The following ARID1B variants were observed in gnomAD, a reference collection of about 807,000 sequenced individuals.
ARID1B encodes the protein AT-rich interaction domain 1B.
In ARID1B, 30 loss-of-function variants were observed where a neutral mutation model predicts 212.3. That is an observed-to-expected ratio of 0.14 (90% CI 0.11 to 0.19). The LOEUF is 0.19. Among genes scored for constraint, ARID1B ranks in the 10% least tolerant of loss-of-function variants. The pLI, the probability that ARID1B is intolerant of heterozygous loss-of-function variation, is 1.00. For synonymous variants in ARID1B, 1,402 were observed against 1,301.7 expected (o/e 1.08, Z -1.66); for missense variants, 2,891 against 3,204.0 (o/e 0.90, Z 2.36).
Position 156,777,785 on chromosome 6 carries a change from C to T in ARID1B, c.105C>T (p.Pro35=), listed in dbSNP as rs1242889110. The T allele has an allele frequency of 7.6e-6, 7 of 919,198 alleles. No homozygotes were observed. The highest frequency in any genetic ancestry group is 3.7e-5 in the African/African-American group (2 of 54,390). 56.9% of individuals were successfully genotyped at this position (919,198 alleles called of 1,614,324 possible). ...RRAPPGPRPA[P]GARDLEAGAR... Reference sequence around the variant, plus strand: ...CGCCCCCCGGGCCGCGGCCGGCGCCCGGAGCCCGGGACCTGGAGGCGGGGG... The same window carrying T: ...CGCCCCCCGGGCCGCGGCCGGCGCCTGGAGCCCGGGACCTGGAGGCGGGGG... The change falls in exon 1 of 20, where the codon CCC becomes CCT. Residue 35 remains proline (P), a synonymous_variant. Coordinates refer to ENST00000636930, the MANE Select transcript of ARID1B (RefSeq NM_001374828.1).
chr6:156,836,734 G>A (rs1398294135), intron 2 of ARID1B, among the ~76,000 whole-genome samples: 1 of 151,618 alleles, frequency 6.6e-6, no homozygotes, highest in Non-Finnish European at 1.5e-5. Context: ...GCACGATCAC[G>A]GCTCACTGCA....
intron 5 of ARID1B, among the ~76,000 whole-genome samples, chr6:157,107,424 A>G (rs915985908): frequency 6.6e-6 from 1 of 152,182 alleles, no homozygotes; most frequent in East Asian, 1.9e-4. Context: ...TCCTTGCACT[A>G]TTTTTACAAG....
intron 7 of ARID1B, among the ~76,000 whole-genome samples, chr6:157,139,356 G>C (rs1467468618): frequency 6.6e-6 from 1 of 152,098 alleles, no homozygotes; most frequent in African/African-American, 2.4e-5. Context: ...CTTTTCCCGA[G>C]GTCCATCGCT....
intron 5 of ARID1B, among the ~76,000 whole-genome samples, chr6:157,097,845 G>A (rs762833956): frequency 2.6e-5 from 4 of 152,066 alleles, no homozygotes; most frequent in African/African-American, 4.8e-5. Context: ...ACTGCTAATC[G>A]GATCCATGCT....
At chr6:157,151,943 C>A (rs1212370701) in intron 8 of ARID1B, 2 of 152,212 alleles carry the variant, frequency 1.3e-5, no homozygotes, top group Non-Finnish European at 1.5e-5. Context: ...AGTCTGTAAA[C>A]ATGGCCCTAA....
rs374554081 is a variant in ARID1B, at chr6:156,796,882, T to TGGGCTCAGTGAGGGGCAGGCCC, written c.1791+17412_1791+17433dup. Among the ~76,000 whole-genome samples, 597 of 151,916 alleles carry TGGGCTCAGTGAGGGGCAGGCCC rather than the reference T, an allele frequency of 3.9e-3. 2 individuals are homozygous for TGGGCTCAGTGAGGGGCAGGCCC. Among genetic ancestry groups the TGGGCTCAGTGAGGGGCAGGCCC allele is most frequent in the African/African-American group, 0.014 (562 of 41,310 alleles). On this transcript the variant is annotated intron_variant, in intron 1 of 19. Transcript: ENST00000636930. Reference sequence around the variant, plus strand: ...CCAGAGCCTGGGGCCTCTGAGTGAGTGGGCTCAGTGAGGGGCAGGCCCAGC... The same window carrying TGGGCTCAGTGAGGGGCAGGCCC: ...CCAGAGCCTGGGGCCTCTGAGTGAGTGGGCTCAGTGAGGGGCAGGCCCGGGCTCAGTGAGGGGCAGGCCCAGC...
intron 4 of ARID1B, among the ~76,000 whole-genome samples, chr6:157,076,425 C>T (rs1784314120): frequency 6.6e-6 from 1 of 151,690 alleles, no homozygotes; most frequent in African/African-American, 2.4e-5. Flanking sequence ...TGGGATCAAG[C>T]AATATTCCTG....
chr6:157,175,933 G>A (rs999981539), intron 11 of ARID1B: 2 of 151,976 alleles, frequency 1.3e-5, no homozygotes, highest in South Asian at 2.1e-4. Flanking sequence ...TCTGTAAGGC[G>A]ATGTATTGAC....
intron 6 of ARID1B, among the ~76,000 whole-genome samples, chr6:157,127,795 A>AAAC (rs1562641063): frequency 6.7e-6 from 1 of 149,536 alleles, no homozygotes; most frequent in African/African-American, 2.5e-5. Flanking sequence ...AAAAAAAAAA[A>AAAC]AAAAAAAAAA....
intron 5 of ARID1B, among the ~76,000 whole-genome samples, chr6:157,092,852 G>A (rs1193500766): frequency 6.6e-6 from 1 of 152,152 alleles, no homozygotes; most frequent in Non-Finnish European, 1.5e-5. Flanking sequence ...TCTCAGCAGT[G>A]ACTCATGTGT....
intron 4 of ARID1B, among the ~76,000 whole-genome samples, chr6:157,002,380 T>G (rs897985372): frequency 2.6e-5 from 4 of 152,248 alleles, no homozygotes; most frequent in African/African-American, 9.6e-5. Context: ...CTTTAACCTG[T>G]GGATTCTAAA....
At chr6:156,981,585 T>A (rs1777607432) in intron 4 of ARID1B, among the ~76,000 whole-genome samples, 1 of 152,220 alleles carries the variant, frequency 6.6e-6, no homozygotes, top group South Asian at 2.1e-4. Flanking sequence ...ATTTACTGGC[T>A]TCCTATTAGA....
chr6:157,112,806 A>G (rs966365709), intron 6 of ARID1B, among the ~76,000 whole-genome samples: 1 of 152,222 alleles, frequency 6.6e-6, no homozygotes, highest in South Asian at 2.1e-4. Context: ...CACTGTATGG[A>G]AATTACCATG....
chr6:156,959,532 G>A (rs1189496380), intron 4 of ARID1B, among the ~76,000 whole-genome samples: 4 of 151,210 alleles, frequency 2.6e-5, no homozygotes, highest in South Asian at 2.1e-4. Flanking sequence ...TGCTTAATTC[G>A]GTCTGTTTAT....
chr6:156,886,215 T>C lies in ARID1B; in HGVS notation c.1987-15161T>C, dbSNP rs77219795. On this transcript the variant is annotated intron_variant, in intron 2 of 19. Transcript: ENST00000636930. ...TGTTGCTGTTATTGTTTGTTTGTTT[T>C]GAATTTTGTTCTTGTCGCCCAGGCT... Among the ~76,000 whole-genome samples the C allele has an allele frequency of 3.7e-3, 567 of 152,318 alleles. 2 individuals are homozygous for C. Among genetic ancestry groups the C allele is most frequent in the African/African-American group, 0.013 (533 of 41,576 alleles).
intron 1 of ARID1B, among the ~76,000 whole-genome samples, chr6:156,808,972 A>G (rs1583077897): frequency 1.3e-5 from 2 of 152,348 alleles, no homozygotes; most frequent in South Asian, 4.1e-4. Flanking sequence ...TCAAAGTCAC[A>G]TGGCTTAGCA....
At chr6:157,156,410 T>C (rs1290344492) in intron 8 of ARID1B, among the ~76,000 whole-genome samples, 1 of 152,214 alleles carries the variant, frequency 6.6e-6, no homozygotes, top group African/African-American at 2.4e-5. Context: ...ATGAATGTTA[T>C]TATGTTAGTA....
At chr6:157,039,907 CTTCCTTCCTTCT>C (rs1781755957) in intron 4 of ARID1B, among the ~76,000 whole-genome samples, 1 of 127,798 alleles carries the variant, frequency 7.8e-6, no homozygotes, top group African/African-American at 3.1e-5. Flanking sequence ...TCCTTCCTTC[CTTCCTTCCTTCT>C]TTCTTTTCTT....
chr6:156,970,239 C>T (rs1776830581), intron 4 of ARID1B, among the ~76,000 whole-genome samples: 2 of 152,104 alleles, frequency 1.3e-5, no homozygotes, highest in African/African-American at 4.8e-5. Context: ...CACCACCATA[C>T]CCGGCTAATT....
Sources: allele counts gnomAD v4.1 joint callset (sites outside exome capture counted in the v4.1 genomes callset), GRCh38; gene constraint gnomAD v4.1.1; transcripts MANE v1.5; gene names NCBI Gene and HGNC (gene_info 2026-07-23, HGNC 2026-07-21).